DGLUCY: variants seen among roughly 807,000 people sequenced by gnomAD.
DGLUCY encodes the protein D-glutamate cyclase.
A neutral mutation model predicts 58.5 loss-of-function variants in DGLUCY; 58 were observed. That is an observed-to-expected ratio of 0.99 (90% CI 0.80 to 1.23). The LOEUF (loss-of-function observed/expected upper bound fraction) is 1.23. Among genes scored for constraint, DGLUCY ranks in the 50% most tolerant of loss-of-function variants. The pLI is 0.00. For missense variants in DGLUCY, 779 were observed against 784.7 expected, an observed-to-expected ratio of 0.99 and a Z score of 0.09; for synonymous variants, 325 against 314.1, an observed-to-expected ratio of 1.03 and a Z score of -0.37.
chr14:91,185,271 A>ATTTTTTTTTTTTTTTT (rs35639010), intron 8 of DGLUCY, among the ~76,000 whole-genome samples: 5 of 38,342 alleles, frequency 1.3e-4, no homozygotes, highest in African/African-American at 1.9e-4. Context: ...GCCCAGCCGG[A>ATTTTTTTTTTTTTTTT]TTTTTTTTTT....
chr14:91,130,160 G>A (rs758953325), intron 1 of DGLUCY, among the ~76,000 whole-genome samples: 4 of 152,136 alleles, frequency 2.6e-5, no homozygotes, highest in Non-Finnish European at 5.9e-5. Flanking sequence ...ATCAACCCTT[G>A]CACTACAAGT....
At position 91,178,397 on chromosome 14, in the gene DGLUCY, C is replaced by T. The variant is rs907523016; in HGVS notation, c.730+2341C>T. Among the ~76,000 whole-genome samples the T allele has an allele frequency of 3.9e-5, 6 of 152,258 alleles. 1 individual carries two copies. The South Asian group carries it at 1.2e-3, about 32-fold the overall frequency. On this transcript the variant is annotated intron_variant, in intron 7 of 13. Coordinates refer to ENST00000256324, the MANE Select transcript of DGLUCY (RefSeq NM_001102368.3). ...CAAGCTGGTCTTGAACTCCTGGGCT[C>T]AAGCGATCCTCCCACCTCAGCCTCC...
intron 1 of DGLUCY, among the ~76,000 whole-genome samples, chr14:91,067,277 T>A (rs2043839980): frequency 6.6e-6 from 1 of 151,444 alleles, no homozygotes; most frequent in Non-Finnish European, 1.5e-5. Flanking sequence ...AGATGAGAAG[T>A]TTAGGTGGTA....
chr14:91,205,664 A>G (rs1347662923), intron 12 of DGLUCY, among the ~76,000 whole-genome samples: 1 of 152,076 alleles, frequency 6.6e-6, no homozygotes, highest in African/African-American at 2.4e-5. Flanking sequence ...GCGTTCAACC[A>G]AGTTCTCACA....
chr14:91,107,344 C>A (rs1259624358), upstream of DGLUCY, among the ~76,000 whole-genome samples: 1 of 151,626 alleles, frequency 6.6e-6, no homozygotes, highest in Non-Finnish European at 1.5e-5. Context: ...CGTGGTGAAA[C>A]CCTGTCTCTA....
intron 12 of DGLUCY, among the ~76,000 whole-genome samples, chr14:91,205,576 G>A (rs916237977): frequency 1.3e-5 from 2 of 152,152 alleles, no homozygotes; most frequent in Admixed American, 6.5e-5. Flanking sequence ...GGCTCAGTAT[G>A]GGCAAGTATG....
intron 7 of DGLUCY, among the ~76,000 whole-genome samples, chr14:91,178,198 G>A (rs965014981): frequency 6.6e-6 from 1 of 150,954 alleles, no homozygotes; most frequent in Non-Finnish European, 1.5e-5. Flanking sequence ...ACAAGGTCTC[G>A]CTCTGTCACC....
chr14:91,091,653 C>T (rs898963151), intron 1 of DGLUCY, among the ~76,000 whole-genome samples: 8 of 152,188 alleles, frequency 5.3e-5, no homozygotes, highest in Non-Finnish European at 1.2e-4. Context: ...CATAGCCTGT[C>T]TGGACAATTC....
chr14:91,217,363 T>C (rs1197647053), intron 13 of DGLUCY, among the ~76,000 whole-genome samples: 2 of 151,838 alleles, frequency 1.3e-5, no homozygotes, highest in African/African-American at 2.4e-5. Flanking sequence ...TCCTGAGCAC[T>C]GAGCCTGCAG....
intron 3 of DGLUCY, among the ~76,000 whole-genome samples, chr14:91,163,489 T>C (rs2048106688): frequency 6.6e-6 from 1 of 152,130 alleles, no homozygotes; most frequent in South Asian, 2.1e-4. Context: ...CTTGTAGCAT[T>C]GGCAGGCACT....
rs529775146 is a variant in DGLUCY at position 91,204,789 on chromosome 14, G to A, written c.1528G>A (p.Ala510Thr). 34 of 1,614,074 alleles carry A rather than the reference G, an allele frequency of 2.1e-5. 1 individual carries two copies. Among genetic ancestry groups the A allele is most frequent in the South Asian group, 2.1e-4 (19 of 91,070 alleles). Residue 510 changes from alanine (A) to threonine (T), a missense_variant, in exon 12 of 14, where the codon GCC (alanine) becomes ACC (threonine). By Grantham distance (58) the Ala-to-Thr change is moderately conservative. Transcript: ENST00000256324. ...RRHIRHGDVI[A>T]CDVEADFAVI... ...GCACATACGGCACGGGGATGTCATCGCCTGCGACGTGGAGGCTGACTTTGC... is the reference window on the plus strand; with the variant it reads ...GCACATACGGCACGGGGATGTCATCACCTGCGACGTGGAGGCTGACTTTGC...
chr14:91,093,527 A>G (rs1223095944), intron 1 of DGLUCY, among the ~76,000 whole-genome samples: 1 of 152,206 alleles, frequency 6.6e-6, no homozygotes, highest in Non-Finnish European at 1.5e-5. Flanking sequence ...CATGCCTGTA[A>G]TCCCAGCACT....
At chr14:91,094,763 C>T (rs2044367644) in intron 1 of DGLUCY, among the ~76,000 whole-genome samples, 1 of 151,232 alleles carries the variant, frequency 6.6e-6, no homozygotes, top group Non-Finnish European at 1.5e-5. Flanking sequence ...GTAGAGGTTG[C>T]AGTGAGCCAA....
At chr14:91,202,074 A>AATAATAATAATAATAATAAT (rs1186833237) in intron 11 of DGLUCY, among the ~76,000 whole-genome samples, 4 of 142,690 alleles carry the variant, frequency 2.8e-5, no homozygotes, top group African/African-American at 1.0e-4. Context: ...TAATAATAAT[A>AATAATAATAATAATAATAAT]ATAATAATAA....
intron 1 of DGLUCY, among the ~76,000 whole-genome samples, chr14:91,068,898 T>C (rs562599957): frequency 3.3e-5 from 5 of 152,284 alleles, no homozygotes; most frequent in South Asian, 4.1e-4. Context: ...CAATGTACAG[T>C]GCCTACATCC....
At chr14:91,101,360 T>G (rs2044483430) in intron 1 of DGLUCY, among the ~76,000 whole-genome samples, 4 of 152,192 alleles carry the variant, frequency 2.6e-5, no homozygotes, top group Admixed American at 2.0e-4. Flanking sequence ...TTTGACTCTT[T>G]TAGAAACCTT....
intron 1 of DGLUCY, among the ~76,000 whole-genome samples, chr14:91,124,288 T>A (rs1343351372): frequency 6.6e-6 from 1 of 152,166 alleles, no homozygotes; most frequent in Non-Finnish European, 1.5e-5. Flanking sequence ...TGCTCCTCAC[T>A]AATTTGCTGT....
At chr14:91,063,415 G>T (rs1014718397) in intron 1 of DGLUCY, among the ~76,000 whole-genome samples, 1 of 152,162 alleles carries the variant, frequency 6.6e-6, no homozygotes, top group Admixed American at 6.5e-5. Flanking sequence ...TTCAACTGCT[G>T]TAACAAAGGC....
At chr14:91,173,934 A>C (rs1434021137) in intron 6 of DGLUCY, among the ~76,000 whole-genome samples, 2 of 151,876 alleles carry the variant, frequency 1.3e-5, no homozygotes, top group African/African-American at 2.4e-5. Context: ...AATTCTTGGA[A>C]CCTCCAAAAT....
Sources: gnomAD v4.1 joint callset for allele counts (sites outside exome capture counted in the v4.1 genomes callset) on GRCh38, gnomAD v4.1.1 for gene constraint, MANE v1.5 for transcripts, NCBI Gene and HGNC (gene_info 2026-07-23, HGNC 2026-07-21) for gene names.